Variants in FBXO8 observed in about 807,000 individuals in gnomAD.
FBXO8 encodes the protein F-box only protein 8.
In FBXO8, 15 loss-of-function variants were observed where a neutral mutation model predicts 33.4. The ratio of observed to expected loss-of-function variants is 0.45; its 90% CI spans 0.30 to 0.69. The LOEUF (loss-of-function observed/expected upper bound fraction) is 0.69, where lower values mean the gene tolerates loss of function less well. Among genes scored for constraint, FBXO8 ranks in the 30% least tolerant of loss-of-function variants. The probability of loss-of-function intolerance (pLI) is 0.08; values close to 1 mark genes in which losing one functional copy is unlikely to be tolerated. For missense variants in FBXO8, 274 were observed against 380.3 expected, an observed-to-expected ratio of 0.72 and a Z score of 2.32; for synonymous variants, 132 against 131.5, an observed-to-expected ratio of 1.00 and a Z score of -0.02.
rs1474510238 is a variant in FBXO8 at position 174,252,803 on chromosome 4, G to A, written c.456+6896C>T. On this transcript the variant is annotated intron_variant, in intron 3 of 5. Transcript: ENST00000393674. This position sits in a 1 kb window ranked among gnomAD's most constrained non-coding sequence, Gnocchi z 5.1. ...CAGGTGGGTCACTTGAGGCAAACCT[G>A]TCTCTACTAAAAAAAATATTAGCCA... is the stretch of plus-strand genomic sequence containing the variant. Among the ~76,000 whole-genome samples the A allele has an allele frequency of 6.6e-6, 1 of 151,758 alleles. No individual in the cohort carries two copies. Among genetic ancestry groups the A allele is most frequent in the East Asian group, 1.9e-4 (1 of 5,162 alleles).
At chr4:174,243,854 G>T (rs1736101065) in intron 3 of FBXO8, among the ~76,000 whole-genome samples, 1 of 151,162 alleles carries the variant, frequency 6.6e-6, no homozygotes. Flanking sequence ...TTGTAGCTCA[G>T]TATAGTCTAC....
rs1736451646 is a variant in FBXO8, at chr4:174,257,799, ACTGCG to A, written c.456+1895_456+1899del. On this transcript the variant is annotated intron_variant, in intron 3 of 5. Coordinates refer to ENST00000393674, the MANE Select transcript of FBXO8 (RefSeq NM_012180.3). The surrounding 1 kb of genome is among the most constrained non-coding windows in gnomAD (Gnocchi z 4.3). ...AGACAGAGTCTCACTCTCACAACTT[ACTGCG>A]CCCTTGACCTCTGGGGCTCAAGTGG... Among the ~76,000 whole-genome samples the A allele has an allele frequency of 6.6e-6, 1 of 152,162 alleles. No individual in the cohort carries two copies. Among genetic ancestry groups the A allele is most frequent in the South Asian group, 2.1e-4 (1 of 4,814 alleles).
chr4:174,248,158 G>A (rs1159648054), intron 3 of FBXO8, among the ~76,000 whole-genome samples: 2 of 151,906 alleles, frequency 1.3e-5, no homozygotes, highest in African/African-American at 4.8e-5. Context: ...ACTAAATTTT[G>A]TAATGTTTTC....
At chr4:174,266,469 G>A (rs1736696391) in intron 1 of FBXO8, among the ~76,000 whole-genome samples, 1 of 152,152 alleles carries the variant, frequency 6.6e-6, no homozygotes, top group African/African-American at 2.4e-5. Flanking sequence ...AACATCATGA[G>A]TTTAGCATTT....
At chr4:174,276,923 G>T (rs1353063428) in intron 1 of FBXO8, among the ~76,000 whole-genome samples, 1 of 152,088 alleles carries the variant, frequency 6.6e-6, no homozygotes, top group South Asian at 2.1e-4. Context: ...TATTTTACAG[G>T]GTGGCTATGA....
rs1203943158 is a variant in FBXO8 at position 174,237,962 on chromosome 4, A to G, written c.773-363T>C. 6.6e-6 allele frequency among the ~76,000 whole-genome samples: 1 copy of G among 152,060 alleles called. No individual in the cohort carries two copies. The highest frequency in any genetic ancestry group is 1.5e-5 in the Non-Finnish European group (1 of 67,936). On this transcript the variant is annotated intron_variant, in intron 5 of 5. Coordinates refer to ENST00000393674, the MANE Select transcript of FBXO8 (RefSeq NM_012180.3). The surrounding 1 kb of genome is among the most constrained non-coding windows in gnomAD (Gnocchi z 4.4). The stretch of plus-strand genomic sequence containing the variant: ...ATTTTCGTCTTTGCTTTCAAATGTG[A>G]TATTTCTATTCAAACATCCATAAAA...
rs539355188 is a variant in FBXO8, at chr4:174,237,263, GAAAATGGCAAAAGAAA to G, written c.*133_*148del. On this transcript the variant is annotated 3_prime_UTR_variant, in exon 6 of 6. Coordinates refer to ENST00000393674, the MANE Select transcript of FBXO8 (RefSeq NM_012180.3). This position sits in a 1 kb window ranked among gnomAD's most constrained non-coding sequence, Gnocchi z 4.4. Reference sequence around the variant, plus strand: ...GTTCCCCAAGGAAATTACTAAAATAGAAAATGGCAAAAGAAAAAAAGGTTGCACACTGAAGCTTGAT... The same window carrying G: ...GTTCCCCAAGGAAATTACTAAAATAGAAAAGGTTGCACACTGAAGCTTGAT... The G allele has an allele frequency of 1.1e-4, 66 of 602,896 alleles. No homozygotes were observed. Among genetic ancestry groups the G allele is most frequent in the Admixed American group, 8.2e-4 (25 of 30,466 alleles). The allele number at this position is 602,896 out of a possible 1,614,324, so 37.3% of individuals were successfully genotyped here. A position where few individuals can be genotyped will look rare whatever the true frequency, so the allele number is the denominator to read the frequency against.
Position 174,241,254 on chromosome 4 carries a change from G to T in FBXO8, c.457-36C>A, listed in dbSNP as rs1364723557. On this transcript the variant is annotated intron_variant, in intron 3 of 5. Coordinates refer to ENST00000393674, the MANE Select transcript of FBXO8 (RefSeq NM_012180.3). This position sits in a 1 kb window ranked among gnomAD's most constrained non-coding sequence, Gnocchi z 4.2. ...AAGACAAGTCTACATAAATAAAATT[G>T]CTCTTTATTTATGCATTTTAACAAT... The T allele has an allele frequency of 2.3e-6, 3 of 1,283,188 alleles. No individual in the cohort carries two copies. The highest frequency in any genetic ancestry group is 3.3e-6 in the Non-Finnish European group (3 of 901,876). 79.5% of individuals were successfully genotyped at this position (1,283,188 alleles called of 1,614,324 possible).
chr4:174,249,846 G>C (rs1408352687), intron 3 of FBXO8, among the ~76,000 whole-genome samples: 3 of 151,916 alleles, frequency 2.0e-5, no homozygotes, highest in Non-Finnish European at 2.9e-5. Context: ...GCATATACAT[G>C]TCAGAAAATA....
At chr4:174,268,627 G>A (rs1197205406) in intron 1 of FBXO8, among the ~76,000 whole-genome samples, 12 of 152,070 alleles carry the variant, frequency 7.9e-5, no homozygotes, top group Non-Finnish European at 1.3e-4. Flanking sequence ...TAGTAGAGAC[G>A]GGGTTTCACC....
rs992708613 is a variant in FBXO8 at position 174,245,258 on chromosome 4, T to C, written c.457-4040A>G. Among the ~76,000 whole-genome samples, 1 of 151,736 alleles carries C rather than the reference T, an allele frequency of 6.6e-6. No individual in the cohort carries two copies. The highest frequency in any genetic ancestry group is 2.4e-5 in the African/African-American group (1 of 41,362). Reference sequence around the variant, plus strand: ...AGTAGAAGAAAACCTAAATGAATGCTTATGAAAAGTAAGTGTTTCAGAGTT... The same window carrying C: ...AGTAGAAGAAAACCTAAATGAATGCCTATGAAAAGTAAGTGTTTCAGAGTT... On this transcript the variant is annotated intron_variant, in intron 3 of 5. Transcript: ENST00000393674. The surrounding 1 kb of genome is among the most constrained non-coding windows in gnomAD (Gnocchi z 4.6).
chr4:174,256,972 G>A lies in FBXO8; in HGVS notation c.456+2727C>T, dbSNP rs1736431162. Among the ~76,000 whole-genome samples the A allele has an allele frequency of 6.6e-6, 1 of 151,848 alleles. No individual in the cohort carries two copies. Among genetic ancestry groups the A allele is most frequent in the Non-Finnish European group, 1.5e-5 (1 of 67,976 alleles). ...TAACAATGGAAGGTAGGATAGATAAGTAAAATCTGAAGATCTAAAAATCTT... is the reference window on the plus strand; with the variant it reads ...TAACAATGGAAGGTAGGATAGATAAATAAAATCTGAAGATCTAAAAATCTT... On this transcript the variant is annotated intron_variant, in intron 3 of 5. Coordinates refer to ENST00000393674, the MANE Select transcript of FBXO8 (RefSeq NM_012180.3). The surrounding 1 kb of genome is among the most constrained non-coding windows in gnomAD (Gnocchi z 4.6).
chr4:174,249,577 CA>C lies in FBXO8; in HGVS notation c.457-8360del, dbSNP rs570124405. Among the ~76,000 whole-genome samples the C allele has an allele frequency of 4.7e-3, 718 of 151,970 alleles. 8 individuals are homozygous for C. The highest frequency in any genetic ancestry group is 6.4e-3 in the Admixed American group (97 of 15,234). Reference sequence around the variant, plus strand: ...TAAATATATTTTAACAGCTCTGAAACAGTTTTAAAGTAAACAACATTTTTAA... The same window carrying C: ...TAAATATATTTTAACAGCTCTGAAACGTTTTAAAGTAAACAACATTTTTAA... On this transcript the variant is annotated intron_variant, in intron 3 of 5. Coordinates refer to ENST00000393674, the MANE Select transcript of FBXO8 (RefSeq NM_012180.3).
In FBXO8 at chr4:174,257,341, A is replaced by G. The variant is rs1221515487; in HGVS notation, c.456+2358T>C. Among the ~76,000 whole-genome samples, 1 of 152,186 alleles carries G rather than the reference A, an allele frequency of 6.6e-6. No homozygotes were observed. The highest frequency in any genetic ancestry group is 2.1e-4 in the South Asian group (1 of 4,830). Reference sequence around the variant, plus strand: ...CTTTAGCAAGGAAAGACTACTTACCATAATCAATATCAGCAATTACATCCA... The same window carrying G: ...CTTTAGCAAGGAAAGACTACTTACCGTAATCAATATCAGCAATTACATCCA... On this transcript the variant is annotated intron_variant, in intron 3 of 5. Transcript: ENST00000393674. The surrounding 1 kb of genome is among the most constrained non-coding windows in gnomAD (Gnocchi z 4.3).
At chr4:174,264,858 T>C (rs1736655681) in intron 1 of FBXO8, among the ~76,000 whole-genome samples, 1 of 150,632 alleles carries the variant, frequency 6.6e-6, no homozygotes, top group Non-Finnish European at 1.5e-5. Flanking sequence ...GAGAAAATCT[T>C]TGCAAAACAC....
chr4:174,266,872 C>T (rs977744894), intron 1 of FBXO8, among the ~76,000 whole-genome samples: 9 of 152,020 alleles, frequency 5.9e-5, no homozygotes, highest in Admixed American at 1.3e-4. Context: ...ACAGTCAATA[C>T]GTTAGATATT....
At chr4:174,259,000 T>C (rs1560870825) in intron 3 of FBXO8, among the ~76,000 whole-genome samples, 1 of 151,976 alleles carries the variant, frequency 6.6e-6, no homozygotes, top group Non-Finnish European at 1.5e-5. Context: ...TGCTGTATAA[T>C]TTTCACTTAG....
At chr4:174,240,055 A>G (rs958747494) in intron 4 of FBXO8, among the ~76,000 whole-genome samples, 9 of 151,040 alleles carry the variant, frequency 6.0e-5, no homozygotes, top group East Asian at 1.9e-4. Flanking sequence ...TGTATTGTCT[A>G]TATCTGCTTT....
rs918342861 is a variant in FBXO8, at chr4:174,261,086, A to G, written c.330-1261T>C. Among the ~76,000 whole-genome samples, 12 of 151,962 alleles carry G rather than the reference A, an allele frequency of 7.9e-5. No individual in the cohort carries two copies. The highest frequency in any genetic ancestry group is 7.4e-5 in the Non-Finnish European group (5 of 67,852). Reference sequence around the variant, plus strand: ...TGATTTATACTGCTGCATTATTTTTACCCACCAAATGAAATCACTGACTCA... The same window carrying G: ...TGATTTATACTGCTGCATTATTTTTGCCCACCAAATGAAATCACTGACTCA... On this transcript the variant is annotated intron_variant, in intron 2 of 5. Coordinates refer to ENST00000393674, the MANE Select transcript of FBXO8 (RefSeq NM_012180.3). This position sits in a 1 kb window ranked among gnomAD's most constrained non-coding sequence, Gnocchi z 4.1.
Sources: allele counts gnomAD v4.1 joint callset (sites outside exome capture counted in the v4.1 genomes callset), GRCh38; gene constraint gnomAD v4.1.1; non-coding constraint Gnocchi (gnomAD v3.1); transcripts MANE v1.5; gene names NCBI Gene and HGNC (gene_info 2026-07-23, HGNC 2026-07-21).